Variants in SRGAP3 observed in about 807,000 individuals in gnomAD.
SRGAP3 encodes SLIT-ROBO Rho GTPase activating protein 3.
A neutral mutation model predicts 121.1 loss-of-function variants in SRGAP3; 39 were observed. The ratio of observed to expected loss-of-function variants is 0.32; its 90% confidence interval spans 0.25 to 0.42. The LOEUF (loss-of-function observed/expected upper bound fraction) is 0.42, where lower values mean the gene tolerates loss of function less well. SRGAP3 is among the 10% of genes least tolerant of loss of function. The pLI is 1.00. For missense variants in SRGAP3, 1,213 were observed against 1,470.6 expected, an observed-to-expected ratio of 0.82 and a Z score of 2.86; for synonymous variants, 601 against 570.0, an observed-to-expected ratio of 1.05 and a Z score of -0.77.
chr3:9,038,809 T>C (rs1240347850), intron 10 of SRGAP3, among the ~76,000 whole-genome samples: 8 of 152,110 alleles, frequency 5.3e-5, no homozygotes, highest in Non-Finnish European at 1.0e-4. Context: ...TCTGCAGGTA[T>C]CTCCCCTCTC....
chr3:9,115,882 A>G (rs932321458), intron 2 of SRGAP3, among the ~76,000 whole-genome samples: 2 of 152,220 alleles, frequency 1.3e-5, no homozygotes, highest in African/African-American at 4.8e-5. Context: ...GAAGGTAACC[A>G]AAAAACTAAA....
At chr3:9,056,004 A>G (rs574827902) in intron 8 of SRGAP3, among the ~76,000 whole-genome samples, 5 of 152,286 alleles carry the variant, frequency 3.3e-5, no homozygotes, top group South Asian at 4.1e-4. Flanking sequence ...GGTTCAAGCA[A>G]TTCTCTTACC....
intron 14 of SRGAP3, among the ~76,000 whole-genome samples, chr3:9,020,152 T>C (rs568598592): frequency 6.6e-6 from 1 of 152,324 alleles, no homozygotes; most frequent in Admixed American, 6.5e-5. Context: ...CAACAACAGA[T>C]ACTGGCAGCT....
At chr3:9,080,728 C>A (rs983144795) in intron 3 of SRGAP3, among the ~76,000 whole-genome samples, 1 of 152,066 alleles carries the variant, frequency 6.6e-6, no homozygotes, top group East Asian at 1.9e-4. Context: ...GATTCTCATA[C>A]GTCCTCGAAC....
At chr3:9,077,110 C>T (rs1328148653) in intron 4 of SRGAP3, among the ~76,000 whole-genome samples, 1 of 151,832 alleles carries the variant, frequency 6.6e-6, no homozygotes, top group Non-Finnish European at 1.5e-5. Flanking sequence ...TATCGCTCCC[C>T]CAGTCCCCCA....
chr3:9,060,486 G>A, intron 5 of SRGAP3, 127 bp from the exon 6 acceptor site: 1 of 1,275,404 alleles, frequency 7.8e-7, no homozygotes, highest in East Asian at 2.5e-5. Flanking sequence ...GAGTGCAGTG[G>A]TGTGATCATA....
chr3:9,171,049 T>C (rs1347389532), intron 1 of SRGAP3, among the ~76,000 whole-genome samples: 1 of 152,226 alleles, frequency 6.6e-6, no homozygotes, highest in East Asian at 1.9e-4. Flanking sequence ...TGCCCTGCTA[T>C]AGATGGCCTG....
intron 11 of SRGAP3, chr3:9,035,503 T>C (rs1944703605): frequency 5.5e-6 from 1 of 181,758 alleles, no homozygotes; most frequent in Non-Finnish European, 1.2e-5. Context: ...ATCGACTTAC[T>C]GAAGTGCTGG....
intron 1 of SRGAP3, among the ~76,000 whole-genome samples, chr3:9,144,667 A>C (rs1389158322): frequency 6.6e-6 from 1 of 152,204 alleles, no homozygotes; most frequent in Admixed American, 6.5e-5. Flanking sequence ...TGCCGCCACC[A>C]TGTAAGAAGT....
chr3:8,996,264 C>A (rs1942395461), intron 18 of SRGAP3, among the ~76,000 whole-genome samples: 1 of 140,746 alleles, frequency 7.1e-6, no homozygotes, highest in Non-Finnish European at 1.5e-5. Context: ...TGGTGCACTT[C>A]TAAGGGCCAC....
intron 1 of SRGAP3, among the ~76,000 whole-genome samples, chr3:9,186,272 A>G (rs1951592016): frequency 1.3e-5 from 2 of 152,078 alleles, no homozygotes; most frequent in Non-Finnish European, 2.9e-5. Context: ...TTCTCTCCCA[A>G]AGAGAATCTG....
At chr3:9,242,376 T>C (rs185885108) in intron 1 of SRGAP3, among the ~76,000 whole-genome samples, 18 of 152,326 alleles carry the variant, frequency 1.2e-4, no homozygotes, top group African/African-American at 4.3e-4. Context: ...GGCTCACGCC[T>C]GAAATCCCAG....
intron 5 of SRGAP3, among the ~76,000 whole-genome samples, chr3:9,060,904 G>A (rs1946136746): frequency 6.6e-6 from 1 of 152,164 alleles, no homozygotes; most frequent in Non-Finnish European, 1.5e-5. Context: ...GACACTAGAT[G>A]AGCAGCAGCC....
intron 6 of SRGAP3, chr3:9,059,794 T>G: frequency 3.6e-6 from 1 of 280,412 alleles, no homozygotes; most frequent in Non-Finnish European, 7.0e-6. Context: ...ATTCGCTACT[T>G]TCTTTCGCAT....
intron 1 of SRGAP3, among the ~76,000 whole-genome samples, chr3:9,132,403 C>T (rs1031734289): frequency 3.3e-5 from 5 of 152,176 alleles, no homozygotes; most frequent in Admixed American, 6.5e-5. Flanking sequence ...CCACCTATTT[C>T]GCCCCTTATT....
chr3:9,258,496 G>A (rs1201088126), intron 3 of SRGAP3, among the ~76,000 whole-genome samples: 5 of 152,192 alleles, frequency 3.3e-5, no homozygotes, highest in Non-Finnish European at 7.3e-5. Context: ...CATCAGATTG[G>A]CCTTTGAGGA....
chr3:9,124,505 T>G (rs138002492), intron 2 of SRGAP3, among the ~76,000 whole-genome samples: 1 of 152,346 alleles, frequency 6.6e-6, no homozygotes, highest in East Asian at 1.9e-4. Context: ...TGTTCATTTA[T>G]TCCCTTCAGG....
At chr3:9,019,117 G>T (rs1398711010) in intron 14 of SRGAP3, among the ~76,000 whole-genome samples, 1 of 151,990 alleles carries the variant, frequency 6.6e-6, no homozygotes, top group African/African-American at 2.4e-5. Flanking sequence ...ATCTCTTAGG[G>T]GTCAACATTT....
At chr3:9,332,579 G>A (rs1264116675) in intron 1 of SRGAP3, among the ~76,000 whole-genome samples, 2 of 152,204 alleles carry the variant, frequency 1.3e-5, no homozygotes, top group Non-Finnish European at 2.9e-5. Context: ...TGATGAGACA[G>A]TGCAGAAGAT....
Sources: allele counts gnomAD v4.1 joint callset (sites outside exome capture counted in the v4.1 genomes callset), GRCh38; gene constraint gnomAD v4.1.1; transcripts MANE v1.5; gene names NCBI Gene and HGNC (gene_info 2026-07-23, HGNC 2026-07-21).